CDK13: variants seen among roughly 807,000 people sequenced by gnomAD.
CDK13 encodes the protein cyclin dependent kinase 13, also known as cyclin-dependent kinase 13.
In CDK13, 40 loss-of-function variants were observed where a neutral mutation model predicts 137.6. The ratio of observed to expected loss-of-function variants is 0.29; its 90% CI spans 0.23 to 0.38. CDK13 has a LOEUF of 0.38. CDK13 is among the 10% of genes least tolerant of loss of function. The pLI is 1.00. For synonymous variants in CDK13, 869 were observed against 760.1 expected (o/e 1.14, Z -2.36); for missense variants, 1,704 against 1,951.8 (o/e 0.87, Z 2.39).
At chr7:40,076,271 G>T (rs753498322) in intron 9 of CDK13, among the ~76,000 whole-genome samples, 16 of 152,174 alleles carry the variant, frequency 1.1e-4, no homozygotes, top group Non-Finnish European at 2.1e-4. Flanking sequence ...CTAAAATACA[G>T]AGCAGGATGA....
At chr7:40,026,344 A>G (rs1039407855) in intron 5 of CDK13, among the ~76,000 whole-genome samples, 53 of 151,970 alleles carry the variant, frequency 3.5e-4, no homozygotes, top group African/African-American at 1.3e-3. Flanking sequence ...CCCTATCTCT[A>G]AAACAATAAA....
chr7:39,974,253 A>G (rs1209730563), intron 1 of CDK13, among the ~76,000 whole-genome samples: 5 of 151,108 alleles, frequency 3.3e-5, no homozygotes, highest in African/African-American at 9.7e-5. Context: ...TCTTTTTGAG[A>G]CAGGGTTTCA....
chr7:40,060,022 G>A (rs1480179483), intron 7 of CDK13, among the ~76,000 whole-genome samples: 1 of 151,892 alleles, frequency 6.6e-6, no homozygotes, highest in Admixed American at 6.6e-5. Flanking sequence ...TATTTCATGT[G>A]GTTTTGTGTT....
At chr7:40,019,894 A>G (rs1785076823) in intron 5 of CDK13, among the ~76,000 whole-genome samples, 1 of 152,206 alleles carries the variant, frequency 6.6e-6, no homozygotes, top group African/African-American at 2.4e-5. Context: ...AGTGTATGCC[A>G]TAATGCATGA....
rs1786044546 is a variant in CDK13, at chr7:40,057,397, T to TG, written c.2601-5428dup. Among the ~76,000 whole-genome samples the TG allele has an allele frequency of 2.0e-5, 3 of 152,316 alleles. No individual in the cohort carries two copies. In the South Asian group the frequency reaches 6.2e-4, roughly 32 times the overall value. On this transcript the variant is annotated intron_variant, in intron 7 of 13. Coordinates refer to ENST00000181839, the MANE Select transcript of CDK13 (RefSeq NM_003718.5). ...TGGAAGATCTGTCATCTTCTACACA[T>TG]GCCTTCCAATGCTGGTGCCAGAGGT...
In CDK13 at chr7:40,063,810, A is replaced by G. The variant is rs538714021; in HGVS notation, c.2780+710A>G. On this transcript the variant is annotated intron_variant, in intron 9 of 13. Transcript: ENST00000181839. ...GTAGCTCAGATTACGGGTGCCCACC[A>G]CCATGCCCAGCTAATTTTTGTATTT... Among the ~76,000 whole-genome samples the G allele has an allele frequency of 3.1e-3, 472 of 151,742 alleles. 8 individuals carry two copies. The highest frequency in any genetic ancestry group is 0.011 in the African/African-American group (448 of 41,416).
chr7:40,003,198 A>ACC (rs1408905892), intron 5 of CDK13, among the ~76,000 whole-genome samples: 1 of 89,418 alleles, frequency 1.1e-5, no homozygotes, highest in Non-Finnish European at 2.4e-5. Flanking sequence ...ACACACACAC[A>ACC]CACACACACT....
At position 39,951,532 on chromosome 7, in the gene CDK13, C is replaced by G; in HGVS notation, c.891C>G (p.Pro297=). The stretch of plus-strand genomic sequence containing the variant: ...CGCCTTCGGCCTACAAGGAACCGCC[C>G]AAGGCCTACCGGGAGGACAAGACCG... ...KEPPSAYKEP[P]KAYREDKTEP... Residue 297 remains proline, a synonymous_variant, in exon 1 of 14, where the codon CCC becomes CCG. Coordinates refer to ENST00000181839, the MANE Select transcript of CDK13 (RefSeq NM_003718.5). 1 of 1,536,510 alleles carries G rather than the reference C, an allele frequency of 6.5e-7. No individual in the cohort carries two copies. The highest frequency in any genetic ancestry group is 8.7e-7 in the Non-Finnish European group (1 of 1,143,852).
chr7:39,996,108 A>G (rs939635918), intron 2 of CDK13, among the ~76,000 whole-genome samples: 4 of 152,230 alleles, frequency 2.6e-5, no homozygotes, highest in Non-Finnish European at 5.9e-5. Flanking sequence ...ATTTACTATG[A>G]TAATTAAGTC....
intron 5 of CDK13, among the ~76,000 whole-genome samples, chr7:40,031,828 G>GTTATTA (rs34654098): frequency 0.011 from 1,585 of 139,090 alleles, 15 homozygotes; most frequent in African/African-American, 0.021. Flanking sequence ...TATTATTATT[G>GTTATTA]TTATTATTAT....
At chr7:40,061,128 T>C (rs1417168256) in intron 7 of CDK13, 1 of 151,548 alleles carries the variant, frequency 6.6e-6, no homozygotes, top group Non-Finnish European at 1.5e-5. Context: ...TTTAAAGAAT[T>C]ACTAAGTTCA....
intron 1 of CDK13, among the ~76,000 whole-genome samples, chr7:39,968,654 A>G (rs1783926566): frequency 6.6e-6 from 1 of 152,194 alleles, no homozygotes; most frequent in Admixed American, 6.5e-5. Context: ...GTGTTCCTTC[A>G]GTTAATGTCT....
chr7:40,055,763 G>A (rs1235753434), intron 7 of CDK13, among the ~76,000 whole-genome samples: 1 of 151,780 alleles, frequency 6.6e-6, no homozygotes, highest in Non-Finnish European at 1.5e-5. Context: ...TGTATTTTTA[G>A]TAGAGGTGGG....
rs746348311 is a variant in CDK13, at chr7:40,062,807, T to C, written c.2601-19T>C. 5 of 1,520,446 alleles carry C rather than the reference T, an allele frequency of 3.3e-6. No homozygotes were observed. In the Admixed American group the frequency reaches 6.7e-5, roughly 20 times the overall value. 94.2% of individuals were successfully genotyped at this position (1,520,446 alleles called of 1,614,324 possible). On this transcript the variant is annotated intron_variant, in intron 7 of 13. Transcript: ENST00000181839. ...TCCAACAAATACTAACTCTAAAGAC[T>C]GTTTTCTGTGTTTTTTAGTCGGCCG... is the stretch of plus-strand genomic sequence containing the variant.
chr7:40,062,183 A>G (rs746977785), intron 7 of CDK13: 1 of 152,256 alleles, frequency 6.6e-6, no homozygotes, highest in Non-Finnish European at 1.5e-5. Flanking sequence ...CGCTCTTTAA[A>G]TCAGTTAATC....
chr7:39,990,787 A>G (rs1187992746), intron 2 of CDK13, among the ~76,000 whole-genome samples: 1 of 152,212 alleles, frequency 6.6e-6, no homozygotes, highest in African/African-American at 2.4e-5. Context: ...ATTAGTTGTA[A>G]AGATTAAATT....
At chr7:40,060,353 C>T (rs1230348468) in intron 7 of CDK13, among the ~76,000 whole-genome samples, 3 of 151,990 alleles carry the variant, frequency 2.0e-5, no homozygotes, top group Non-Finnish European at 2.9e-5. Context: ...TTAAACATTT[C>T]CTTGAGCCTA....
At chr7:39,965,494 T>G (rs1446769147) in intron 1 of CDK13, among the ~76,000 whole-genome samples, 2 of 152,224 alleles carry the variant, frequency 1.3e-5, no homozygotes, top group African/African-American at 2.4e-5. Flanking sequence ...ATCTCTTTAT[T>G]TTGAGCCTAT....
intron 1 of CDK13, among the ~76,000 whole-genome samples, chr7:39,976,358 C>CACAG (rs1368250288): frequency 6.8e-6 from 1 of 147,208 alleles, no homozygotes; most frequent in Non-Finnish European, 1.5e-5. Flanking sequence ...CACACACACA[C>CACAG]AGAAACAAAT....
Sources: gnomAD v4.1 joint callset for allele counts (sites outside exome capture counted in the v4.1 genomes callset) on GRCh38, gnomAD v4.1.1 for gene constraint, MANE v1.5 for transcripts, NCBI Gene and HGNC (gene_info 2026-07-23, HGNC 2026-07-21) for gene names.